Variants in SLC28A1 observed in about 807,000 individuals in gnomAD.
The protein encoded by SLC28A1 is sodium/nucleoside cotransporter 1.
A neutral mutation model predicts 74.8 loss-of-function variants in SLC28A1; 64 were observed. The observed-to-expected ratio is 0.86, with a 90% CI of 0.70 to 1.05. The LOEUF (loss-of-function observed/expected upper bound fraction) is 1.05, where lower values mean the gene tolerates loss of function less well. Among genes scored for constraint, SLC28A1 ranks in the 50% least tolerant of loss-of-function variants. SLC28A1 has a pLI of 0.00. For missense variants in SLC28A1, 828 were observed against 822.8 expected, an observed-to-expected ratio of 1.01 and a Z score of -0.08; for synonymous variants, 359 against 335.0, an observed-to-expected ratio of 1.07 and a Z score of -0.78.
intron 12 of SLC28A1, among the ~76,000 whole-genome samples, chr15:84,928,401 GC>G (rs1285502844): frequency 1.3e-5 from 2 of 151,728 alleles, no homozygotes; most frequent in African/African-American, 4.8e-5. Context: ...CACTGCACCA[GC>G]CCTGTACTGC....
intron 12 of SLC28A1, among the ~76,000 whole-genome samples, chr15:84,930,918 C>T (rs1188384219): frequency 6.6e-6 from 1 of 151,982 alleles, no homozygotes; most frequent in Non-Finnish European, 1.5e-5. Flanking sequence ...TACAGGCACA[C>T]ACCACCACAC....
chr15:84,905,535 G>C lies in SLC28A1; in HGVS notation c.604-4G>C. ...ACTCAGCTTTCTGTTGGGTGGGGTG[G>C]TAGGTGTCCTGGAGGGCCGTGTCTT... is the stretch of plus-strand genomic sequence containing the variant. On this transcript the variant is annotated splice_region_variant and splice_polypyrimidine_tract_variant and intron_variant, in intron 7 of 18. Coordinates refer to ENST00000394573, the MANE Select transcript of SLC28A1 (RefSeq NM_004213.5). 1 of 1,599,696 alleles carries C rather than the reference G, an allele frequency of 6.3e-7. No homozygotes were observed. The highest frequency in any genetic ancestry group is 8.6e-7 in the Non-Finnish European group (1 of 1,167,000).
chr15:84,945,351 G>A lies in SLC28A1; in HGVS notation c.*151G>A. On this transcript the variant is annotated 3_prime_UTR_variant, in exon 19 of 19. Transcript: ENST00000394573. ...CACAATTGGGAAGGGTTCATGGAGT[G>A]AGTGTGCAGAGAGTGAGTGAGGACA... is the stretch of plus-strand genomic sequence containing the variant. 1.4e-6 allele frequency: 1 copy of A among 719,920 alleles called. No individual in the cohort carries two copies. The allele number at this position is 719,920 out of a possible 1,614,324, so 44.6% of individuals were successfully genotyped here. A position where few individuals can be genotyped will look rare whatever the true frequency, so the allele number is the denominator to read the frequency against.
chr15:84,945,969 C>T (rs2079188927), downstream of SLC28A1, among the ~76,000 whole-genome samples: 1 of 149,466 alleles, frequency 6.7e-6, no homozygotes. Context: ...AAGTGATCCT[C>T]CCACCTCAGC....
chr15:84,958,419 A>G, the SLC28A1 span, among the ~76,000 whole-genome samples: 1 of 152,226 alleles, frequency 6.6e-6, no homozygotes, highest in African/African-American at 2.4e-5. Context: ...CACCTGAGAA[A>G]GTATACACAA....
intron 6 of SLC28A1, among the ~76,000 whole-genome samples, chr15:84,898,150 A>T (rs1473049808): frequency 6.7e-6 from 1 of 149,604 alleles, no homozygotes; most frequent in Non-Finnish European, 1.5e-5. Context: ...TTTCATATAT[A>T]CCCAGTAGTG....
At chr15:84,924,899 T>C (rs1970295898) in intron 12 of SLC28A1, among the ~76,000 whole-genome samples, 2 of 144,582 alleles carry the variant, frequency 1.4e-5, no homozygotes, top group East Asian at 2.0e-4. Context: ...TTTTATTAAT[T>C]TTTTTTGTTT....
intron 6 of SLC28A1, among the ~76,000 whole-genome samples, chr15:84,902,096 G>A (rs2141751560): frequency 6.6e-6 from 1 of 151,168 alleles, no homozygotes; most frequent in Non-Finnish European, 1.5e-5. Flanking sequence ...CTAAGTGAAA[G>A]AAGTCAAACA....
At chr15:84,973,415 A>T in the SLC28A1 span, among the ~76,000 whole-genome samples, 1 of 152,092 alleles carries the variant, frequency 6.6e-6, no homozygotes, top group Non-Finnish European at 1.5e-5. Context: ...TGACATCAAC[A>T]CCCATTAACT....
At chr15:84,974,757 A>T in the SLC28A1 span, among the ~76,000 whole-genome samples, 3 of 152,286 alleles carry the variant, frequency 2.0e-5, no homozygotes, top group East Asian at 5.8e-4. Flanking sequence ...TAGCTTTAGG[A>T]TGCAGGAGAC....
intron 15 of SLC28A1, among the ~76,000 whole-genome samples, chr15:84,938,873 T>C (rs1385275076): frequency 6.6e-6 from 1 of 152,096 alleles, no homozygotes. Flanking sequence ...GGGAAAAACA[T>C]TCCAAAGGAA....
Position 84,901,629 on chromosome 15 carries a change from T to C in SLC28A1, c.462-2468T>C, listed in dbSNP as rs546704861. Among the ~76,000 whole-genome samples, 8 of 152,234 alleles carry C rather than the reference T, an allele frequency of 5.3e-5. No homozygotes were observed. The East Asian group carries it at 1.5e-3, about 29-fold the overall frequency. ...ATGGTAAGATGCTCAACATCATTTATCAGTAGAGAAATGCAAGTTAAAAGC... is the reference window on the plus strand; with the variant it reads ...ATGGTAAGATGCTCAACATCATTTACCAGTAGAGAAATGCAAGTTAAAAGC... On this transcript the variant is annotated intron_variant, in intron 6 of 18. Transcript: ENST00000394573.
In SLC28A1 at chr15:84,895,101, C is replaced by G. The variant is rs1031099282; in HGVS notation, c.439C>G (p.Arg147Gly). 3.7e-6 allele frequency: 6 copies of G among 1,613,958 alleles called. No individual in the cohort carries two copies. Among genetic ancestry groups the G allele is most frequent in the Admixed American group, 1.7e-5 (1 of 60,004 alleles). The change falls in exon 6 of 19, where the codon CGC becomes GGC. Residue 147 changes from arginine to glycine, a missense_variant. Arg to Gly is a moderately radical substitution (Grantham distance 125). Transcript: ENST00000394573. ...GTTTCTCAAGCCTCAGGGCCATCCC[C>G]GCCTGCTGCTCTGGTTTAAGAGGTG... ...RRFLKPQGHP[R>G]LLLWFKRGLA...
At chr15:84,906,548 CTT>C (rs1567140120) in intron 8 of SLC28A1, among the ~76,000 whole-genome samples, 15 of 81,536 alleles carry the variant, frequency 1.8e-4, no homozygotes, top group South Asian at 8.2e-4. Flanking sequence ...TTCTTTCTTT[CTT>C]TCTTTCTTTC....
At chr15:84,963,967 C>A in the SLC28A1 span, among the ~76,000 whole-genome samples, 1 of 152,166 alleles carries the variant, frequency 6.6e-6, no homozygotes, top group Admixed American at 6.5e-5. Flanking sequence ...AGACGCTTGA[C>A]CACTCCTTTC....
intron 6 of SLC28A1, among the ~76,000 whole-genome samples, chr15:84,903,000 G>A (rs1300660236): frequency 1.3e-5 from 2 of 152,138 alleles, no homozygotes; most frequent in African/African-American, 4.8e-5. Context: ...AAAGTACTGG[G>A]ATTACAGGCA....
chr15:84,945,521 C>T lies in SLC28A1; in HGVS notation c.*321C>T, dbSNP rs753282702. The stretch of plus-strand genomic sequence containing the variant: ...CCCTGGTCCTCTCTATCCCCCCTCT[C>T]CTGGGGTCCCTCACATGCCCCTTCC... On this transcript the variant is annotated 3_prime_UTR_variant, in exon 19 of 19. Transcript: ENST00000394573. 45 of 392,356 alleles carry T rather than the reference C, an allele frequency of 1.1e-4. No homozygotes were observed. Among genetic ancestry groups the T allele is most frequent in the Non-Finnish European group, 1.6e-4 (33 of 204,600 alleles). The allele number at this position is 392,356 out of a possible 1,614,324, so 24.3% of individuals were successfully genotyped here.
chr15:84,945,684 G>A lies in SLC28A1; in HGVS notation c.*484G>A, dbSNP rs994812332. On this transcript the variant is annotated 3_prime_UTR_variant, in exon 19 of 19. Coordinates refer to ENST00000394573, the MANE Select transcript of SLC28A1 (RefSeq NM_004213.5). ...GAAACCCTTCCCGCCTTTCCTCAGA[G>A]TGCTTCCCAAACTGAGGTCCCATGG... 1 of 230,798 alleles carries A rather than the reference G, an allele frequency of 4.3e-6. No homozygotes were observed. Among genetic ancestry groups the A allele is most frequent in the African/African-American group, 2.2e-5 (1 of 44,574 alleles). The allele number at this position is 230,798 out of a possible 1,614,324, so 14.3% of individuals were successfully genotyped here.
rs1400320975 is a variant in SLC28A1 at position 84,895,122 on chromosome 15, A to G, written c.460A>G (p.Arg154Gly). Residue 154 changes from arginine to glycine, a missense_variant and splice_region_variant, in exon 6 of 19, where the codon AGG becomes GGG. Arg to Gly is a moderately radical substitution (Grantham distance 125). Transcript: ENST00000394573. ...GHPRLLLWFK[R>G]GLALAAFLGL... is the part of the protein sequence containing the mutation. The stretch of plus-strand genomic sequence containing the variant: ...TCCCCGCCTGCTGCTCTGGTTTAAG[A>G]GGTGAGTGAGCTCACAGCCCCGAGG... 3 of 1,613,812 alleles carry G rather than the reference A, an allele frequency of 1.9e-6. No homozygotes were observed.
Sources: gnomAD v4.1 joint callset for allele counts (sites outside exome capture counted in the v4.1 genomes callset) on GRCh38, gnomAD v4.1.1 for gene constraint, MANE v1.5 for transcripts, NCBI Gene and HGNC (gene_info 2026-07-23, HGNC 2026-07-21) for gene names.